FBXL17: variants seen among roughly 807,000 people sequenced by gnomAD.
FBXL17 encodes the protein F-box/LRR-repeat protein 17.
In FBXL17, 22 loss-of-function variants were observed where a neutral mutation model predicts 66.2. The ratio of observed to expected loss-of-function variants is 0.33; its 90% CI spans 0.24 to 0.47. The LOEUF is 0.47. Among genes scored for constraint, FBXL17 ranks in the 20% least tolerant of loss-of-function variants. The pLI is 1.00. For missense variants in FBXL17, 878 were observed against 948.2 expected, an observed-to-expected ratio of 0.93 and a Z score of 0.97; for synonymous variants, 474 against 400.5, an observed-to-expected ratio of 1.18 and a Z score of -2.19.
At chr5:108,138,724 A>T (rs1751239608) in intron 6 of FBXL17, among the ~76,000 whole-genome samples, 1 of 152,208 alleles carries the variant, frequency 6.6e-6, no homozygotes, top group Admixed American at 6.5e-5. Flanking sequence ...GGCAACAGGG[A>T]GACATTGGAA....
At chr5:107,920,099 G>T (rs1750262129) in intron 7 of FBXL17, among the ~76,000 whole-genome samples, 1 of 152,134 alleles carries the variant, frequency 6.6e-6, no homozygotes, top group South Asian at 2.1e-4. Flanking sequence ...CTCCTCTTCA[G>T]CAATTAGACA....
At chr5:108,326,154 C>G (rs949782611) in intron 4 of FBXL17, among the ~76,000 whole-genome samples, 2 of 152,086 alleles carry the variant, frequency 1.3e-5, no homozygotes, top group Admixed American at 1.3e-4. Context: ...AAGTAAAAAC[C>G]TTGCTCTCTT....
At chr5:108,134,103 A>T (rs1445703648) in intron 6 of FBXL17, among the ~76,000 whole-genome samples, 1 of 152,148 alleles carries the variant, frequency 6.6e-6, no homozygotes, top group Non-Finnish European at 1.5e-5. Context: ...TTTTTCCAAA[A>T]ATGGCAAAAA....
intron 6 of FBXL17, among the ~76,000 whole-genome samples, chr5:108,084,843 T>C (rs950673267): frequency 3.3e-5 from 5 of 152,214 alleles, no homozygotes; most frequent in African/African-American, 9.6e-5. Context: ...CTACTTCCCA[T>C]CAATACAATA....
chr5:108,381,214 A>G lies in FBXL17; in HGVS notation c.478T>C (p.Phe160Leu). The change falls in exon 1 of 9, where the codon TTC becomes CTC. Residue 160 changes from phenylalanine to leucine, a missense_variant. Phe to Leu is a conservative substitution (Grantham distance 22). Coordinates refer to ENST00000542267, the MANE Select transcript of FBXL17 (RefSeq NM_001163315.3). ...AAWEQQGRSLFLASLGPVRFL... is the reference protein window; with the variant it reads ...AAWEQQGRSLLLASLGPVRFL... ...CGCACCGGCCCCAAGCTGGCCAGGA[A>G]GAGACTTCGGCCCTGCTGCTCCCAG... 1 of 1,447,906 alleles carries G rather than the reference A, an allele frequency of 6.9e-7. No individual in the cohort carries two copies. The highest frequency in any genetic ancestry group is 9.1e-7 in the Non-Finnish European group (1 of 1,102,252). The allele number at this position is 1,447,906 out of a possible 1,614,324, so 89.7% of individuals were successfully genotyped here.
chr5:108,119,480 A>T (rs1750390746), intron 6 of FBXL17, among the ~76,000 whole-genome samples: 1 of 152,224 alleles, frequency 6.6e-6, no homozygotes, highest in Non-Finnish European at 1.5e-5. Context: ...GAAGCAGCAT[A>T]ATAGGGCCCA....
intron 7 of FBXL17, among the ~76,000 whole-genome samples, chr5:107,905,942 T>C (rs1203643553): frequency 6.6e-6 from 1 of 152,142 alleles, no homozygotes; most frequent in Admixed American, 6.6e-5. Context: ...GAATGAAGTA[T>C]GGGACTGTAG....
intron 5 of FBXL17, among the ~76,000 whole-genome samples, chr5:108,195,475 G>A (rs1753642671): frequency 6.6e-6 from 1 of 152,174 alleles, no homozygotes; most frequent in African/African-American, 2.4e-5. Flanking sequence ...AGACTAGCAG[G>A]AGACATGGTC....
intron 6 of FBXL17, among the ~76,000 whole-genome samples, chr5:108,117,822 T>C (rs1434368978): frequency 6.6e-6 from 1 of 152,098 alleles, no homozygotes; most frequent in Non-Finnish European, 1.5e-5. Context: ...CATATTTCAG[T>C]TTTTGACACA....
At chr5:107,935,651 T>C (rs993182434) in intron 7 of FBXL17, among the ~76,000 whole-genome samples, 35 of 152,138 alleles carry the variant, frequency 2.3e-4, no homozygotes, top group African/African-American at 8.4e-4. Context: ...CATTATTTTT[T>C]CTTGGACCAT....
chr5:108,207,907 C>A (rs1291249061), intron 5 of FBXL17, among the ~76,000 whole-genome samples: 1 of 152,132 alleles, frequency 6.6e-6, no homozygotes, highest in Non-Finnish European at 1.5e-5. Context: ...CAGTCTTCCA[C>A]AATAGTTGAA....
intron 4 of FBXL17, among the ~76,000 whole-genome samples, chr5:108,270,955 C>T (rs981293187): frequency 2.0e-5 from 3 of 151,994 alleles, no homozygotes; most frequent in African/African-American, 7.2e-5. Context: ...CATCTCTCCC[C>T]CTTTCCCCCT....
At chr5:108,376,435 A>T (rs1749428708) in intron 1 of FBXL17, among the ~76,000 whole-genome samples, 1 of 152,254 alleles carries the variant, frequency 6.6e-6, no homozygotes, top group Non-Finnish European at 1.5e-5. Flanking sequence ...TTTATATACT[A>T]GCAATGAATC....
intron 8 of FBXL17, among the ~76,000 whole-genome samples, chr5:107,871,117 T>C (rs927990486): frequency 1.2e-4 from 17 of 138,118 alleles, no homozygotes; most frequent in Admixed American, 3.7e-4. Flanking sequence ...GTAAGACAGA[T>C]ACTGAGAATG....
intron 7 of FBXL17, among the ~76,000 whole-genome samples, chr5:107,881,941 G>A (rs867639726): frequency 1.3e-5 from 2 of 152,278 alleles, no homozygotes; most frequent in South Asian, 4.2e-4. Flanking sequence ...AATCTATGAT[G>A]TGCACTACTA....
intron 6 of FBXL17, among the ~76,000 whole-genome samples, chr5:108,121,864 A>G (rs770643291): frequency 2.6e-5 from 4 of 152,134 alleles, no homozygotes; most frequent in Non-Finnish European, 5.9e-5. Flanking sequence ...GCCCAAAAAT[A>G]TATTTACAAT....
At chr5:108,076,812 G>A (rs1178719340) in intron 6 of FBXL17, among the ~76,000 whole-genome samples, 1 of 152,136 alleles carries the variant, frequency 6.6e-6, no homozygotes, top group African/African-American at 2.4e-5. Context: ...CTCTGAGGGA[G>A]GCTTCATCTA....
rs928568340 is a variant in FBXL17 at position 107,859,755 on chromosome 5, T to A, written c.*1965A>T. ...CCTTCTTTTGTCTTTTTTAACTATT[T>A]AAAATATAGTATGACATATATAAAA... On this transcript the variant is annotated 3_prime_UTR_variant, in exon 9 of 9. Coordinates refer to ENST00000542267, the MANE Select transcript of FBXL17 (RefSeq NM_001163315.3). 1 of 152,134 alleles carries A rather than the reference T, an allele frequency of 6.6e-6. No homozygotes were observed. Among genetic ancestry groups the A allele is most frequent in the African/African-American group, 2.4e-5 (1 of 41,434 alleles). The allele number at this position is 152,134 out of a possible 1,614,324, so 9.4% of individuals were successfully genotyped here.
At chr5:107,950,379 A>C (rs1305939538) in intron 7 of FBXL17, among the ~76,000 whole-genome samples, 2 of 152,194 alleles carry the variant, frequency 1.3e-5, no homozygotes, top group African/African-American at 4.8e-5. Flanking sequence ...AAAAAAGTTT[A>C]ATTGGAAGTT....
Sources: allele counts gnomAD v4.1 joint callset (sites outside exome capture counted in the v4.1 genomes callset), GRCh38; gene constraint gnomAD v4.1.1; transcripts MANE v1.5; gene names NCBI Gene and HGNC (gene_info 2026-07-23, HGNC 2026-07-21).